The following DGKI variants were observed in gnomAD, a reference collection of about 807,000 sequenced individuals.
The protein encoded by DGKI is DAG kinase iota.
A neutral mutation model predicts 147.5 loss-of-function variants in DGKI; 55 were observed. That is an observed-to-expected ratio of 0.37 (90% confidence interval 0.30 to 0.47). The LOEUF (loss-of-function observed/expected upper bound fraction) is 0.47, where lower values mean the gene tolerates loss of function less well. DGKI is among the 20% of genes least tolerant of loss of function. The probability of loss-of-function intolerance (pLI) is 1.00; values close to 1 mark genes in which losing one functional copy is unlikely to be tolerated. For synonymous variants in DGKI, 469 were observed against 477.1 expected (o/e 0.98, Z 0.22); for missense variants, 1,007 against 1,323.8 (o/e 0.76, Z 3.71).
intron 28 of DGKI, among the ~76,000 whole-genome samples, chr7:137,422,514 G>C (rs1247350801): frequency 1.3e-5 from 2 of 150,394 alleles, no homozygotes; most frequent in Admixed American, 1.3e-4. Context: ...TCCTATTTAC[G>C]GTTTTGTTAG....
At chr7:137,773,798 A>T (rs1796282641) in intron 1 of DGKI, among the ~76,000 whole-genome samples, 1 of 152,210 alleles carries the variant, frequency 6.6e-6, no homozygotes, top group Non-Finnish European at 1.5e-5. Context: ...ATCCCTTGTT[A>T]CAATACTAAC....
At chr7:137,533,116 C>A (rs1330346423) in intron 20 of DGKI, among the ~76,000 whole-genome samples, 2 of 151,886 alleles carry the variant, frequency 1.3e-5, no homozygotes, top group Admixed American at 6.6e-5. Flanking sequence ...GTGAGATCAT[C>A]TCTAAAAACT....
intron 20 of DGKI, among the ~76,000 whole-genome samples, chr7:137,531,768 T>C (rs834082): frequency 0.037 from 5,607 of 152,202 alleles, 262 homozygotes; most frequent in East Asian, 0.11. Context: ...TAAAAAAGGG[T>C]GTGGATGAAG....
At chr7:137,784,760 A>C (rs908225920) in intron 1 of DGKI, among the ~76,000 whole-genome samples, 2 of 152,082 alleles carry the variant, frequency 1.3e-5, no homozygotes, top group African/African-American at 4.8e-5. Context: ...GAAAATAGAA[A>C]TTATATCAAG....
At chr7:137,714,377 T>C (rs752757548) in intron 1 of DGKI, among the ~76,000 whole-genome samples, 1 of 152,272 alleles carries the variant, frequency 6.6e-6, no homozygotes, top group Non-Finnish European at 1.5e-5. Context: ...TTACATCTTT[T>C]ATAATGTGAG....
intron 1 of DGKI, among the ~76,000 whole-genome samples, chr7:137,696,487 G>T (rs1823793516): frequency 8.2e-6 from 1 of 122,328 alleles, no homozygotes. Flanking sequence ...AAATGGCCTG[G>T]CAGCTGAATG....
chr7:137,837,877 A>T (rs1482870212), intron 1 of DGKI, among the ~76,000 whole-genome samples: 1 of 152,054 alleles, frequency 6.6e-6, no homozygotes, highest in Non-Finnish European at 1.5e-5. Flanking sequence ...AGGGAAGCCC[A>T]TGCTTGGCAG....
At chr7:137,444,960 C>A (rs1373478827) in intron 27 of DGKI, among the ~76,000 whole-genome samples, 2 of 152,128 alleles carry the variant, frequency 1.3e-5, no homozygotes, top group Admixed American at 1.3e-4. Flanking sequence ...AAGGGAAAGA[C>A]AAGACATCAC....
intron 13 of DGKI, among the ~76,000 whole-genome samples, chr7:137,586,874 A>G (rs1819422365): frequency 6.6e-6 from 1 of 152,186 alleles, no homozygotes; most frequent in Admixed American, 6.5e-5. Context: ...ACTAACCACT[A>G]TATTTCTCTC....
intron 1 of DGKI, among the ~76,000 whole-genome samples, chr7:137,764,213 G>T (rs1007361680): frequency 6.6e-6 from 1 of 151,082 alleles, no homozygotes; most frequent in African/African-American, 2.5e-5. Context: ...TTTGTCCAGG[G>T]TGGCACCCTG....
At chr7:137,643,354 T>C (rs1475694138) in intron 6 of DGKI, among the ~76,000 whole-genome samples, 1 of 148,616 alleles carries the variant, frequency 6.7e-6, no homozygotes, top group Non-Finnish European at 1.5e-5. Context: ...ACACTACTGA[T>C]GAAAATTATG....
Position 137,395,706 on chromosome 7 carries a change from A to G in DGKI, c.2958-9T>C, listed in dbSNP as rs1406361052. 1 of 1,613,038 alleles carries G rather than the reference A, an allele frequency of 6.2e-7. No individual in the cohort carries two copies. The highest frequency in any genetic ancestry group is 2.2e-5 in the East Asian group (1 of 44,818). On this transcript the variant is annotated splice_polypyrimidine_tract_variant and intron_variant, in intron 31 of 32. Transcript: ENST00000614521. ...GCAGTGCAGTCTCACCCCTAAATCA[A>G]AGATGAAATGGGAAACCACCCATAA...
chr7:137,492,483 C>G (rs1006452624), intron 21 of DGKI, among the ~76,000 whole-genome samples: 5 of 152,150 alleles, frequency 3.3e-5, no homozygotes, highest in African/African-American at 1.2e-4. Context: ...GTTCCTGGCC[C>G]TCAGTAACCC....
At chr7:137,629,067 C>T (rs7798814) in intron 6 of DGKI, among the ~76,000 whole-genome samples, 1 of 151,970 alleles carries the variant, frequency 6.6e-6, no homozygotes, top group Admixed American at 6.6e-5. Context: ...CAAAATAAAC[C>T]TCTCCATATC....
chr7:137,689,202 C>A (rs1823523343), intron 2 of DGKI, among the ~76,000 whole-genome samples: 1 of 152,182 alleles, frequency 6.6e-6, no homozygotes, highest in South Asian at 2.1e-4. Flanking sequence ...AAGCCCTTCT[C>A]TCCCTTGATA....
chr7:137,719,953 C>A (rs1171433252), intron 1 of DGKI, among the ~76,000 whole-genome samples: 1 of 152,084 alleles, frequency 6.6e-6, no homozygotes, highest in Non-Finnish European at 1.5e-5. Flanking sequence ...GAAGCCTGAC[C>A]CCTCTCAAAA....
chr7:137,442,809 C>T (rs1813560895), intron 28 of DGKI, among the ~76,000 whole-genome samples: 2 of 152,290 alleles, frequency 1.3e-5, no homozygotes, highest in Non-Finnish European at 2.9e-5. Flanking sequence ...TCCTTGTTTG[C>T]TCTTCGTTGG....
chr7:137,647,360 C>G (rs1211763667), intron 5 of DGKI, among the ~76,000 whole-genome samples: 1 of 152,180 alleles, frequency 6.6e-6, no homozygotes, highest in Non-Finnish European at 1.5e-5. Context: ...CCACTTCTAC[C>G]TCCTCATTAT....
intron 28 of DGKI, among the ~76,000 whole-genome samples, chr7:137,421,012 C>G (rs1211844534): frequency 6.6e-6 from 1 of 152,004 alleles, no homozygotes; most frequent in Non-Finnish European, 1.5e-5. Context: ...GAGTGAGATT[C>G]CGTCTCAATA....
Sources: gnomAD v4.1 joint callset for allele counts (sites outside exome capture counted in the v4.1 genomes callset) on GRCh38, gnomAD v4.1.1 for gene constraint, MANE v1.5 for transcripts, NCBI Gene and HGNC (gene_info 2026-07-23, HGNC 2026-07-21) for gene names.